Variants in RSPH3 observed in about 807,000 individuals in gnomAD.
RSPH3 encodes radial spoke head 3, also known as radial spoke head protein 3 homolog.
A neutral mutation model predicts 43.8 loss-of-function variants in RSPH3; 21 were observed. The ratio of observed to expected loss-of-function variants is 0.48; its 90% CI spans 0.34 to 0.69. RSPH3 has a LOEUF of 0.69. Ranked by LOEUF, RSPH3 falls within the 30% of genes least tolerant of loss-of-function variation. The pLI, the probability that RSPH3 is intolerant of heterozygous loss-of-function variation, is 0.01. For synonymous variants in RSPH3, 173 were observed against 179.8 expected, an observed-to-expected ratio of 0.96 and a Z score of 0.30; for missense variants, 487 against 516.0, an observed-to-expected ratio of 0.94 and a Z score of 0.54.
rs144706781 is a variant in RSPH3 at position 158,984,930 on chromosome 6, T to C, written c.347-1123A>G. ...TGGTTAATGACAGCCATACACTCAT[T>C]CTAGACTTGGCCTAAAGGCAGGGGT... On this transcript the variant is annotated intron_variant, in intron 3 of 7. Transcript: ENST00000367069. 2.0e-3 allele frequency among the ~76,000 whole-genome samples: 297 copies of C among 152,274 alleles called. 3 individuals carry two copies. Among genetic ancestry groups the C allele is most frequent in the African/African-American group, 6.9e-3 (288 of 41,574 alleles).
Position 158,999,551 on chromosome 6 carries a change from G to C in RSPH3, c.-1C>G. On this transcript the variant is annotated 5_prime_UTR_variant, in exon 1 of 8. Coordinates refer to ENST00000367069, the MANE Select transcript of RSPH3 (RefSeq NM_031924.8). Reference sequence around the variant, plus strand: ...TGCGATCAGTCAGCGCTGAGGCCATGTCCGGGGGCTGACTGCCTCGCTTTC... The same window carrying C: ...TGCGATCAGTCAGCGCTGAGGCCATCTCCGGGGGCTGACTGCCTCGCTTTC... 6.2e-7 allele frequency: 1 copy of C among 1,605,204 alleles called. No individual in the cohort carries two copies. Among genetic ancestry groups the C allele is most frequent in the Non-Finnish European group, 8.5e-7 (1 of 1,173,820 alleles).
At chr6:158,984,545 G>C (rs572606032) in intron 3 of RSPH3, among the ~76,000 whole-genome samples, 45 of 146,136 alleles carry the variant, frequency 3.1e-4, no homozygotes, top group African/African-American at 1.1e-3. Context: ...CATGTACCAA[G>C]TCACCAGGTT....
At chr6:158,981,019 T>C (rs1371739756) in intron 5 of RSPH3, 83 bp from the exon 6 acceptor site, 2 of 1,321,738 alleles carry the variant, frequency 1.5e-6, no homozygotes, top group East Asian at 2.3e-5. Context: ...AGTACAAGAA[T>C]CCAGACTTAT....
rs955850754 is a variant in RSPH3 at position 158,980,854 on chromosome 6, T to C, written c.779A>G (p.Gln260Arg). Residue 260 changes from glutamine to arginine, a missense_variant, in exon 6 of 8, where the codon CAG becomes CGG. By Grantham distance (43) the Gln-to-Arg change is conservative (BLOSUM62 1). Transcript: ENST00000367069. ...CGGGAGAAGGTCAGCCAGGTAACGC[T>C]GTGCAAATGCTCGGGCGGCGATTTT... ...SQKIAARAFA[Q>R]RYLADLLPSV... is the part of the protein sequence containing the mutation. 3.1e-6 allele frequency: 5 copies of C among 1,614,204 alleles called. No homozygotes were observed. Among genetic ancestry groups the C allele is most frequent in the Non-Finnish European group, 4.2e-6 (5 of 1,180,020 alleles).
Position 158,999,932 on chromosome 6 carries a change from G to T in RSPH3, c.-382C>A. 6.2e-7 allele frequency: 1 copy of T among 1,610,794 alleles called. No homozygotes were observed. Among genetic ancestry groups the T allele is most frequent in the Non-Finnish European group, 8.5e-7 (1 of 1,178,474 alleles). On this transcript the variant is annotated 5_prime_UTR_variant, in exon 1 of 8. Transcript: ENST00000367069. ...CCAGGTAGGTGCGCCTGCGCTTTGC[G>T]AGGTTCCTGGCTAGGGAGGCGGCCT...
chr6:158,983,718 G>C lies in RSPH3; in HGVS notation c.436C>G (p.Leu146Val). ...TTGCCAGTTTTGGCAGGAATAAAGA[G>C]TGGTGTTGGTGGTCTGTCCAAAAAT... is the stretch of plus-strand genomic sequence containing the variant. ...DAFLDRPPTP[L>V]FIPAKTGKDV... The change falls in exon 4 of 8, where the codon CTC becomes GTC. Residue 146 changes from leucine to valine, a missense_variant. Transcript: ENST00000367069. 1 of 1,612,824 alleles carries C rather than the reference G, an allele frequency of 6.2e-7. No homozygotes were observed.
chr6:158,999,109 G>A (rs991993664), intron 1 of RSPH3, among the ~76,000 whole-genome samples: 1 of 152,162 alleles, frequency 6.6e-6, no homozygotes, highest in Non-Finnish European at 1.5e-5. Flanking sequence ...GTATTTGAAT[G>A]CCCCCCGTAA....
In RSPH3 at chr6:158,975,893, A is replaced by G. The variant is rs890239766; in HGVS notation, c.*1645T>C. 2 of 152,156 alleles carry G rather than the reference A, an allele frequency of 1.3e-5. No homozygotes were observed. The highest frequency in any genetic ancestry group is 2.4e-5 in the African/African-American group (1 of 41,446). 9.4% of individuals were successfully genotyped at this position (152,156 alleles called of 1,614,324 possible). A position where few individuals can be genotyped will look rare whatever the true frequency, so the allele number is the denominator to read the frequency against. On this transcript the variant is annotated 3_prime_UTR_variant, in exon 8 of 8. Transcript: ENST00000367069. ...TATATGTGTAAGTATTTTGCGAAAA[A>G]CAGACTCAGCCAGGTGCGGTGGCTC... is the stretch of plus-strand genomic sequence containing the variant.
chr6:158,993,396 G>A (rs1042220393), intron 2 of RSPH3, among the ~76,000 whole-genome samples: 12 of 150,196 alleles, frequency 8.0e-5, no homozygotes, highest in Admixed American at 6.0e-4. Flanking sequence ...GATTACAGGC[G>A]TGAGCCACCG....
intron 2 of RSPH3, chr6:158,990,373 G>A (rs1413919971): frequency 6.6e-6 from 1 of 152,140 alleles, no homozygotes; most frequent in African/African-American, 2.4e-5. Flanking sequence ...TTCAACTTGA[G>A]CTTTAGAATA....
chr6:158,963,912 T>C, the RSPH3 span, among the ~76,000 whole-genome samples: 1 of 152,118 alleles, frequency 6.6e-6, no homozygotes, highest in Admixed American at 6.5e-5. Flanking sequence ...TAAAATAAAA[T>C]GGAATAAATA....
At chr6:158,984,433 ATT>A (rs1562562056) in intron 3 of RSPH3, among the ~76,000 whole-genome samples, 1 of 48,512 alleles carries the variant, frequency 2.1e-5, no homozygotes, top group African/African-American at 1.6e-4. Flanking sequence ...TAAAAAGTCA[ATT>A]ATATATATAT....
In RSPH3 at chr6:158,986,296, A is replaced by G. The variant is rs369346654; in HGVS notation, c.330T>C (p.His110=). 2 of 1,613,918 alleles carry G rather than the reference A, an allele frequency of 1.2e-6. No individual in the cohort carries two copies. The change falls in exon 3 of 8, where the codon CAT becomes CAC. Residue 110 remains histidine, a synonymous_variant. Transcript: ENST00000367069. The part of the protein sequence containing the change: ...QTPEPVEGRK[H]VDVQTELYLE... ...GTCACACACCTGTTTGCACATCGACATGCTTTCTGCCTTCCACAGGTTCAG... is the reference window on the plus strand; with the variant it reads ...GTCACACACCTGTTTGCACATCGACGTGCTTTCTGCCTTCCACAGGTTCAG...
downstream of RSPH3, among the ~76,000 whole-genome samples, chr6:158,969,173 C>A (rs1777665355): frequency 6.6e-6 from 1 of 151,986 alleles, no homozygotes; most frequent in African/African-American, 2.4e-5. Flanking sequence ...TGAAGGACTC[C>A]CTTTAGTATT....
chr6:158,980,732 G>A, intron 6 of RSPH3, 42 bp downstream of exon 6: 1 of 1,477,858 alleles, frequency 6.8e-7, no homozygotes, highest in Non-Finnish European at 9.4e-7. Flanking sequence ...TTAAGAGGAT[G>A]CTTATTACAA....
the RSPH3 span, among the ~76,000 whole-genome samples, chr6:158,967,346 C>T: frequency 8.5e-5 from 13 of 152,126 alleles, no homozygotes; most frequent in African/African-American, 3.1e-4. Flanking sequence ...TCTATGATTT[C>T]TCCTTTGAAC....
downstream of RSPH3, among the ~76,000 whole-genome samples, chr6:158,968,435 C>T (rs899224790): frequency 2.0e-5 from 3 of 151,918 alleles, no homozygotes; most frequent in Non-Finnish European, 4.4e-5. Flanking sequence ...CAGGTTTCAC[C>T]ATGTTGGCCA....
At chr6:158,971,931 G>A (rs1777698368), downstream of RSPH3, among the ~76,000 whole-genome samples, 1 of 152,110 alleles carries the variant, frequency 6.6e-6, no homozygotes, top group Non-Finnish European at 1.5e-5. Context: ...TAGTAACCAG[G>A]ATGGTGAGTG....
At chr6:158,978,603 C>T (rs1251623174) in intron 6 of RSPH3, among the ~76,000 whole-genome samples, 4 of 151,980 alleles carry the variant, frequency 2.6e-5, no homozygotes, top group African/African-American at 7.3e-5. Context: ...TGCGGTGGCG[C>T]GATCTCTGCT....
Sources: gnomAD v4.1 joint callset for allele counts (sites outside exome capture counted in the v4.1 genomes callset) on GRCh38, gnomAD v4.1.1 for gene constraint, MANE v1.5 for transcripts, NCBI Gene and HGNC (gene_info 2026-07-23, HGNC 2026-07-21) for gene names.